The following ST8SIA5 variants were observed in gnomAD, a reference collection of about 807,000 sequenced individuals.
ST8SIA5 encodes the protein ST8 alpha-N-acetyl-neuraminide alpha-2,8-sialyltransferase 5, also known as alpha-2,8-sialyltransferase 8E.
Under a neutral mutation model 40.2 loss-of-function variants are expected in ST8SIA5, and 24 were observed. The ratio of observed to expected loss-of-function variants is 0.60; its 90% CI spans 0.43 to 0.84. The LOEUF is 0.84. Among genes scored for constraint, ST8SIA5 ranks in the 40% least tolerant of loss-of-function variants. ST8SIA5 has a pLI of 0.00. For missense variants in ST8SIA5, 465 were observed against 498.5 expected, an observed-to-expected ratio of 0.93 and a Z score of 0.64; for synonymous variants, 198 against 201.8, an observed-to-expected ratio of 0.98 and a Z score of 0.16.
intron 2 of ST8SIA5, among the ~76,000 whole-genome samples, chr18:46,701,091 C>T (rs1283695879): frequency 6.7e-6 from 1 of 150,314 alleles, no homozygotes; most frequent in Non-Finnish European, 1.5e-5. Context: ...GGTCCTAACC[C>T]CCAGGACCAT....
At chr18:46,698,786 C>G (rs2039582185) in intron 2 of ST8SIA5, among the ~76,000 whole-genome samples, 1 of 152,172 alleles carries the variant, frequency 6.6e-6, no homozygotes, top group Non-Finnish European at 1.5e-5. Context: ...CATGACCCAG[C>G]AAGAGGGCAG....
At chr18:46,727,281 A>G (rs1261733753) in intron 1 of ST8SIA5, among the ~76,000 whole-genome samples, 1 of 152,226 alleles carries the variant, frequency 6.6e-6, no homozygotes, top group Non-Finnish European at 1.5e-5. Flanking sequence ...ATGGAGGCTC[A>G]GCTTTTCTCT....
At chr18:46,686,025 A>G in intron 5 of ST8SIA5, 149 bp downstream of exon 5, 1 of 711,400 alleles carries the variant, frequency 1.4e-6, no homozygotes, top group Non-Finnish European at 2.5e-6. Context: ...ATGGGGCTGG[A>G]GAGAAGAAGG....
At chr18:46,744,672 C>A (rs1021263637) in intron 1 of ST8SIA5, among the ~76,000 whole-genome samples, 3 of 152,192 alleles carry the variant, frequency 2.0e-5, no homozygotes, top group Non-Finnish European at 2.9e-5. Flanking sequence ...AGAAGTTTAA[C>A]AAGGATATCC....
In ST8SIA5 at chr18:46,677,118, A is replaced by G. The variant is rs376775658; in HGVS notation, c.*2924T>C. ...GCGGCAGGGTTAGGGAGAGGCACCT[A>G]TAAGCACAGGCTGCTTCCCGGACGA... On this transcript the variant is annotated 3_prime_UTR_variant, in exon 7 of 7. Transcript: ENST00000315087. 1.5e-4 allele frequency: 23 copies of G among 152,352 alleles called. No individual in the cohort carries two copies. Among genetic ancestry groups the G allele is most frequent in the African/African-American group, 5.3e-4 (22 of 41,580 alleles). The allele number at this position is 152,352 out of a possible 1,614,324, so 9.4% of individuals were successfully genotyped here.
intron 1 of ST8SIA5, among the ~76,000 whole-genome samples, chr18:46,719,704 T>TTCTTTCTC (rs760988683): frequency 2.8e-5 from 4 of 143,868 alleles, no homozygotes; most frequent in East Asian, 2.1e-4. Context: ...CTTTCTTTCT[T>TTCTTTCTC]TCTCTCTTTC....
At chr18:46,733,374 T>A (rs1379944497) in intron 1 of ST8SIA5, among the ~76,000 whole-genome samples, 1 of 152,220 alleles carries the variant, frequency 6.6e-6, no homozygotes, top group Non-Finnish European at 1.5e-5. Flanking sequence ...CCATTCATTC[T>A]ATTTTCATCT....
intron 1 of ST8SIA5, among the ~76,000 whole-genome samples, chr18:46,746,047 G>C (rs1281657969): frequency 6.6e-6 from 1 of 152,056 alleles, no homozygotes; most frequent in Non-Finnish European, 1.5e-5. Flanking sequence ...CAATAAACTA[G>C]GTGTTGAAGG....
intron 1 of ST8SIA5, among the ~76,000 whole-genome samples, chr18:46,736,213 T>C (rs1398727859): frequency 6.6e-6 from 1 of 152,224 alleles, no homozygotes; most frequent in Non-Finnish European, 1.5e-5. Context: ...ACAGACAGCA[T>C]GTCTCAACTC....
At chr18:46,698,843 G>C (rs567626988) in intron 2 of ST8SIA5, among the ~76,000 whole-genome samples, 22 of 152,344 alleles carry the variant, frequency 1.4e-4, no homozygotes, top group African/African-American at 5.1e-4. Context: ...GGGAATGCCT[G>C]ACCGATGGAG....
intron 1 of ST8SIA5, among the ~76,000 whole-genome samples, chr18:46,741,504 T>A (rs1055174634): frequency 1.3e-5 from 2 of 152,188 alleles, no homozygotes; most frequent in African/African-American, 4.8e-5. Flanking sequence ...TTACAGAGAA[T>A]AAAGTTTTAA....
chr18:46,710,279 T>TCTC (rs10680660), intron 1 of ST8SIA5, among the ~76,000 whole-genome samples: 136,469 of 151,784 alleles, frequency 0.9, 61,627 homozygotes, highest in Non-Finnish European at 0.94. Flanking sequence ...GGGCATCAGT[T>TCTC]CTCTCCCTGC....
chr18:46,726,465 CTA>C (rs750576622), intron 1 of ST8SIA5, among the ~76,000 whole-genome samples: 3 of 151,838 alleles, frequency 2.0e-5, no homozygotes, highest in Non-Finnish European at 4.4e-5. Flanking sequence ...TTTTTTATGT[CTA>C]ATTTATTTTT....
chr18:46,741,818 T>G (rs2040088812), intron 1 of ST8SIA5, among the ~76,000 whole-genome samples: 1 of 152,166 alleles, frequency 6.6e-6, no homozygotes, highest in Non-Finnish European at 1.5e-5. Context: ...AATACAATTT[T>G]TGGCTGGATG....
At chr18:46,722,174 G>A (rs968413850) in intron 1 of ST8SIA5, among the ~76,000 whole-genome samples, 1 of 152,100 alleles carries the variant, frequency 6.6e-6, no homozygotes, top group African/African-American at 2.4e-5. Context: ...CAGGGCCAGC[G>A]AAGGTGGGAG....
At chr18:46,724,124 G>A (rs1006852272) in intron 1 of ST8SIA5, among the ~76,000 whole-genome samples, 4 of 152,208 alleles carry the variant, frequency 2.6e-5, no homozygotes, top group Non-Finnish European at 4.4e-5. Flanking sequence ...GACTGTCTCA[G>A]TTGCCTTCAA....
intron 2 of ST8SIA5, among the ~76,000 whole-genome samples, chr18:46,692,514 G>A (rs1039782844): frequency 2.0e-5 from 3 of 151,340 alleles, no homozygotes; most frequent in Admixed American, 2.0e-4. Context: ...AGTGATTCTC[G>A]TGCCTCAGCC....
At chr18:46,744,086 A>G (rs1443820849) in intron 1 of ST8SIA5, among the ~76,000 whole-genome samples, 1 of 152,212 alleles carries the variant, frequency 6.6e-6, no homozygotes, top group Non-Finnish European at 1.5e-5. Context: ...GAAAGGAACA[A>G]CCGGTACCAG....
chr18:46,746,342 T>A (rs148661096), intron 1 of ST8SIA5, among the ~76,000 whole-genome samples: 48 of 151,616 alleles, frequency 3.2e-4, no homozygotes, highest in African/African-American at 1.2e-3. Context: ...CAAAATCTCC[T>A]TAAGCTGATA....
Sources: gnomAD v4.1 joint callset for allele counts (sites outside exome capture counted in the v4.1 genomes callset) on GRCh38, gnomAD v4.1.1 for gene constraint, MANE v1.5 for transcripts, NCBI Gene and HGNC (gene_info 2026-07-23, HGNC 2026-07-21) for gene names.